The following ANKRD30A variants were observed in gnomAD, a reference collection of about 807,000 sequenced individuals.
The protein encoded by ANKRD30A is ankyrin repeat domain 30A, also known as ankyrin repeat domain-containing protein 30A.
Under a neutral mutation model 166.3 loss-of-function variants are expected in ANKRD30A, and 170 were observed. The ratio of observed to expected loss-of-function variants is 1.02; its 90% CI spans 0.90 to 1.16. ANKRD30A has a LOEUF of 1.16. Among genes scored for constraint, ANKRD30A ranks in the 50% most tolerant of loss-of-function variants. The pLI is 0.00. For synonymous variants in ANKRD30A, 564 were observed against 508.9 expected (o/e 1.11, Z -1.46); for missense variants, 1,630 against 1,518.0 (o/e 1.07, Z -1.23).
the ANKRD30A span, chr10:37,248,294 G>A: frequency 4.1e-6 from 2 of 492,574 alleles, no homozygotes; most frequent in Non-Finnish European, 7.9e-6. Context: ...GCCTTCCACT[G>A]TTCAGTTCTG....
chr10:37,165,259 C>G, intron 18 of ANKRD30A, 104 bp downstream of exon 18: 1 of 1,098,556 alleles, frequency 9.1e-7, no homozygotes, highest in Admixed American at 2.2e-5. Flanking sequence ...GTGTCACCCT[C>G]AAATTATTTT....
intron 1 of ANKRD30A, among the ~76,000 whole-genome samples, chr10:37,127,322 T>A (rs917340280): frequency 1.3e-5 from 2 of 151,984 alleles, no homozygotes; most frequent in Non-Finnish European, 2.9e-5. Context: ...ATGTACAAAA[T>A]GATAAAAATA....
At chr10:37,222,316 A>G (rs1235975847) in intron 34 of ANKRD30A, among the ~76,000 whole-genome samples, 1 of 151,300 alleles carries the variant, frequency 6.6e-6, no homozygotes, top group Non-Finnish European at 1.5e-5. Context: ...TTGTCTTTAT[A>G]GATTTGCCTG....
Position 37,133,955 on chromosome 10 carries a change from G to A in ANKRD30A, c.657G>A (p.Glu219=), listed in dbSNP as rs763071668. The A allele has an allele frequency of 6.2e-7, 1 of 1,614,018 alleles. No homozygotes were observed. The highest frequency in any genetic ancestry group is 8.5e-7 in the Non-Finnish European group (1 of 1,179,982). Reference sequence around the variant, plus strand: ...TTGCTGTATGTCATGGATCATCAGAGATAGTTGGCATGCTTCTTCAGCAAA... The same window carrying A: ...TTGCTGTATGTCATGGATCATCAGAAATAGTTGGCATGCTTCTTCAGCAAA... ...LMLAVCHGSS[E]IVGMLLQQNV... The change falls in exon 5 of 36, where the codon GAG becomes GAA. Residue 219 remains glutamate (E), a synonymous_variant. Coordinates refer to ENST00000361713, the MANE Select transcript of ANKRD30A (RefSeq NM_052997.3).
chr10:37,145,393 C>T (rs1274932738), intron 8 of ANKRD30A, among the ~76,000 whole-genome samples: 2 of 152,114 alleles, frequency 1.3e-5, no homozygotes, highest in African/African-American at 4.8e-5. Context: ...AGGAGAATCA[C>T]TTGAACCCGG....
Position 37,153,682 on chromosome 10 carries a change from T to G in ANKRD30A, c.1798+20T>G, listed in dbSNP as rs556944963. 6 of 1,609,642 alleles carry G rather than the reference T, an allele frequency of 3.7e-6. No homozygotes were observed. In the Admixed American group the frequency reaches 8.4e-5, roughly 22 times the overall value. ...TAGAAGGTAAGAACCGTTTTTTATT[T>G]AAAAATCAGTTGACCGAATATTTCT... On this transcript the variant is annotated intron_variant, in intron 13 of 35. Coordinates refer to ENST00000361713, the MANE Select transcript of ANKRD30A (RefSeq NM_052997.3).
chr10:37,128,234 C>A (rs942500950), intron 1 of ANKRD30A, among the ~76,000 whole-genome samples: 1 of 151,764 alleles, frequency 6.6e-6, no homozygotes, highest in Non-Finnish European at 1.5e-5. Context: ...AATGTTTTTC[C>A]TTTTTATTAT....
intron 29 of ANKRD30A, among the ~76,000 whole-genome samples, 186 bp downstream of exon 29, chr10:37,197,666 TA>T (rs1231176962): frequency 6.6e-6 from 1 of 152,084 alleles, no homozygotes; most frequent in South Asian, 2.1e-4. Flanking sequence ...ATATTTTTTT[TA>T]AAAAATGTAG....
intron 27 of ANKRD30A, among the ~76,000 whole-genome samples, chr10:37,193,855 A>G (rs1840814239): frequency 1.3e-5 from 2 of 151,942 alleles, no homozygotes; most frequent in African/African-American, 4.8e-5. Flanking sequence ...AGAGGTACAA[A>G]AGAGCCTGAA....
intron 11 of ANKRD30A, among the ~76,000 whole-genome samples, chr10:37,151,621 C>T (rs1217815614): frequency 2.6e-5 from 4 of 152,050 alleles, no homozygotes; most frequent in Non-Finnish European, 5.9e-5. Flanking sequence ...AAATCTTATT[C>T]ATTGATAAAT....
At chr10:37,153,706 C>G in intron 13 of ANKRD30A, 44 bp downstream of exon 13, 1 of 1,605,760 alleles carries the variant, frequency 6.2e-7, no homozygotes, top group Non-Finnish European at 8.5e-7. Flanking sequence ...CCGAATATTT[C>G]TCTAAACTGA....
At chr10:37,154,263 A>C (rs1838189771) in intron 13 of ANKRD30A, among the ~76,000 whole-genome samples, 1 of 152,164 alleles carries the variant, frequency 6.6e-6, no homozygotes, top group African/African-American at 2.4e-5. Context: ...TGTCATATAC[A>C]CTCCGTATAG....
chr10:37,248,045 T>C, the ANKRD30A span: 5,279 of 371,432 alleles, frequency 0.014, 124 homozygotes, highest in East Asian at 0.085. Flanking sequence ...AAAAAAATCA[T>C]GTGGTAGAAG....
chr10:37,146,482 C>A (rs1412053104), intron 8 of ANKRD30A, among the ~76,000 whole-genome samples: 3 of 151,936 alleles, frequency 2.0e-5, no homozygotes, highest in Admixed American at 2.0e-4. Context: ...GCACCAGCTG[C>A]AGGGAGTCTG....
intron 30 of ANKRD30A, among the ~76,000 whole-genome samples, 196 bp from the exon 31 acceptor site, chr10:37,201,039 A>G (rs1175935802): frequency 6.6e-6 from 1 of 152,116 alleles, no homozygotes; most frequent in East Asian, 1.9e-4. Context: ...ACATGGACAT[A>G]AAGATCAGCT....
intron 13 of ANKRD30A, among the ~76,000 whole-genome samples, chr10:37,156,050 C>T (rs999581313): frequency 6.7e-6 from 1 of 150,148 alleles, no homozygotes; most frequent in East Asian, 2.0e-4. Context: ...CAGTGCACTC[C>T]AGTCTGGGCA....
rs368871754 is a variant in ANKRD30A, at chr10:37,142,127, A to C, written c.1230A>C (p.Ala410=). The C allele has an allele frequency of 5.6e-6, 9 of 1,613,922 alleles. No individual in the cohort carries two copies. Among genetic ancestry groups the C allele is most frequent in the Non-Finnish European group, 7.6e-6 (9 of 1,180,022 alleles). Residue 410 remains alanine (A), a synonymous_variant, in exon 7 of 36, where the codon GCA becomes GCC. Coordinates refer to ENST00000361713, the MANE Select transcript of ANKRD30A (RefSeq NM_052997.3). ...CATCTGAGAAATTTACGTGGGCAGC[A>C]AAAGGAAGACCTAGGAAGATCGCAT... ...KETSEKFTWA[A]KGRPRKIAWE...
intron 24 of ANKRD30A, among the ~76,000 whole-genome samples, chr10:37,177,973 A>C (rs1373687009): frequency 6.7e-6 from 1 of 150,252 alleles, no homozygotes; most frequent in Non-Finnish European, 1.5e-5. Flanking sequence ...TTTAAATTCA[A>C]GATATTCCAA....
At chr10:37,252,790 T>C in the ANKRD30A span, among the ~76,000 whole-genome samples, 1 of 152,168 alleles carries the variant, frequency 6.6e-6, no homozygotes, top group African/African-American at 2.4e-5. Flanking sequence ...GTTGTTAAAG[T>C]ATTAAAGGCG....
Sources: allele counts gnomAD v4.1 joint callset (sites outside exome capture counted in the v4.1 genomes callset), GRCh38; gene constraint gnomAD v4.1.1; transcripts MANE v1.5; gene names NCBI Gene and HGNC (gene_info 2026-07-23, HGNC 2026-07-21).